The following CBFB variants were observed in gnomAD, a reference collection of about 807,000 sequenced individuals.
CBFB encodes core-binding factor subunit beta, also known as CBF-beta.
In CBFB, 9 loss-of-function variants were observed where a neutral mutation model predicts 30.4. That is an observed-to-expected ratio of 0.30 (90% CI 0.18 to 0.52). The LOEUF (loss-of-function observed/expected upper bound fraction) is 0.52, where lower values mean the gene tolerates loss of function less well. Among genes scored for constraint, CBFB ranks in the 20% least tolerant of loss-of-function variants. The probability of loss-of-function intolerance (pLI) is 0.97; values close to 1 mark genes in which losing one functional copy is unlikely to be tolerated. For missense variants in CBFB, 170 were observed against 244.0 expected (o/e 0.70, Z 2.02); for synonymous variants, 94 against 84.0 (o/e 1.12, Z -0.65).
intron 5 of CBFB, among the ~76,000 whole-genome samples, chr16:67,087,607 A>G (rs1021927024): frequency 6.6e-6 from 1 of 152,216 alleles, no homozygotes; most frequent in Non-Finnish European, 1.5e-5. Context: ...TTTCTAATTT[A>G]AAATGTTGGA....
intron 3 of CBFB, among the ~76,000 whole-genome samples, 159 bp from the exon 4 acceptor site, chr16:67,066,523 G>T (rs1210875945): frequency 6.6e-6 from 1 of 152,074 alleles, no homozygotes; most frequent in Non-Finnish European, 1.5e-5. Flanking sequence ...TTGTGCCACT[G>T]CATTCCAGCC....
At chr16:67,030,168 T>G in intron 2 of CBFB, 1 of 212,312 alleles carries the variant, frequency 4.7e-6, no homozygotes, top group South Asian at 1.3e-4. Flanking sequence ...GAAGTGGAGC[T>G]TCATTCAAGG....
intron 3 of CBFB, among the ~76,000 whole-genome samples, chr16:67,047,801 G>GCTCGTGC (rs1966654775): frequency 6.6e-6 from 1 of 152,076 alleles, no homozygotes; most frequent in Admixed American, 6.6e-5. Flanking sequence ...AGGTGCCGTG[G>GCTCGTGC]CTCGTGCCTT....
chr16:67,076,505 A>G (rs1053393687), intron 4 of CBFB, among the ~76,000 whole-genome samples: 4 of 152,218 alleles, frequency 2.6e-5, no homozygotes, highest in African/African-American at 4.8e-5. Flanking sequence ...ATAGAAAGTA[A>G]AAAAGAGGCA....
intron 2 of CBFB, among the ~76,000 whole-genome samples, chr16:67,034,385 G>A (rs2145709933): frequency 6.6e-6 from 1 of 152,226 alleles, no homozygotes; most frequent in African/African-American, 2.4e-5. Flanking sequence ...TACTAGTGTA[G>A]CATTTTAATG....
At chr16:67,084,710 T>C (rs543456090) in intron 5 of CBFB, among the ~76,000 whole-genome samples, 3 of 152,330 alleles carry the variant, frequency 2.0e-5, no homozygotes, top group African/African-American at 4.8e-5. Context: ...GTGGTTTTTT[T>C]CCAAGCACAA....
intron 4 of CBFB, among the ~76,000 whole-genome samples, chr16:67,078,823 G>A (rs2145766454): frequency 6.6e-6 from 1 of 151,920 alleles, no homozygotes; most frequent in East Asian, 1.9e-4. Flanking sequence ...CTAATTTTTT[G>A]TATTTGTTTT....
intron 2 of CBFB, among the ~76,000 whole-genome samples, chr16:67,033,505 G>C (rs1966388483): frequency 6.6e-6 from 1 of 151,608 alleles, no homozygotes; most frequent in Admixed American, 6.6e-5. Context: ...ATTTTTAGTA[G>C]AGATGGGTTT....
chr16:67,062,907 T>A (rs1026365119), intron 3 of CBFB, among the ~76,000 whole-genome samples: 5 of 152,168 alleles, frequency 3.3e-5, no homozygotes, highest in Non-Finnish European at 5.9e-5. Flanking sequence ...TGGTGTAAAG[T>A]TGACTTTGCT....
intron 5 of CBFB, among the ~76,000 whole-genome samples, chr16:67,088,287 T>C (rs1338598083): frequency 6.6e-6 from 1 of 152,208 alleles, no homozygotes; most frequent in African/African-American, 2.4e-5. Flanking sequence ...CCTTATTTTC[T>C]TGCAGTTTAC....
In CBFB at chr16:67,042,254, T is replaced by G. The variant is rs982513430; in HGVS notation, c.282+5499T>G. On this transcript the variant is annotated intron_variant, in intron 3 of 5. Coordinates refer to ENST00000412916, the MANE Select transcript of CBFB (RefSeq NM_022845.3). ...AAAAAATCATTTGTTTCTAAGTGTT[T>G]CATTATTTTTTCTGCCTCTGTCTCT... Among the ~76,000 whole-genome samples the G allele has an allele frequency of 1.9e-4, 29 of 151,932 alleles. 2 individuals carry two copies. Among genetic ancestry groups the G allele is most frequent in the Non-Finnish European group, 1.5e-5 (1 of 67,998 alleles).
intron 2 of CBFB, among the ~76,000 whole-genome samples, chr16:67,034,047 G>A (rs1338397465): frequency 1.3e-5 from 2 of 151,894 alleles, no homozygotes; most frequent in Non-Finnish European, 2.9e-5. Flanking sequence ...CCAGACTGGT[G>A]TTAAACTTCT....
chr16:67,090,216 G>C (rs1176958600), intron 5 of CBFB, among the ~76,000 whole-genome samples: 3 of 152,142 alleles, frequency 2.0e-5, no homozygotes, highest in Non-Finnish European at 4.4e-5. Flanking sequence ...GTGCTAGTTA[G>C]GTGGGTGTGT....
intron 4 of CBFB, among the ~76,000 whole-genome samples, chr16:67,077,834 A>G (rs74934297): frequency 0.02 from 3,064 of 152,298 alleles, 99 homozygotes; most frequent in African/African-American, 0.069. Context: ...AGAGTGGTCG[A>G]ATATTCTGTG....
chr16:67,033,336 A>G (rs1966384793), intron 2 of CBFB, among the ~76,000 whole-genome samples: 1 of 152,164 alleles, frequency 6.6e-6, no homozygotes, highest in African/African-American at 2.4e-5. Flanking sequence ...AATCTGTAGT[A>G]GAATCTGATT....
chr16:67,050,211 T>A (rs937064970), intron 3 of CBFB, among the ~76,000 whole-genome samples: 2 of 147,838 alleles, frequency 1.4e-5, no homozygotes, highest in Non-Finnish European at 3.0e-5. Flanking sequence ...GTTATATATA[T>A]AATTTATATA....
chr16:67,084,189 AG>A (rs1323047527), intron 5 of CBFB, among the ~76,000 whole-genome samples: 7 of 148,150 alleles, frequency 4.7e-5, no homozygotes, highest in Admixed American at 3.3e-4. Flanking sequence ...AAAAAAAAAA[AG>A]TATATTCTAG....
At chr16:67,062,459 C>T (rs1298711759) in intron 3 of CBFB, among the ~76,000 whole-genome samples, 2 of 151,060 alleles carry the variant, frequency 1.3e-5, no homozygotes, top group African/African-American at 2.4e-5. Flanking sequence ...TGTGAGCCAC[C>T]GTGCCCAGCC....
At chr16:67,073,954 A>G in intron 4 of CBFB, among the ~76,000 whole-genome samples, 1 of 151,970 alleles carries the variant, frequency 6.6e-6, no homozygotes. Flanking sequence ...GCATGAACCC[A>G]GGAGGCGGAG....
Sources: allele counts gnomAD v4.1 joint callset (sites outside exome capture counted in the v4.1 genomes callset), GRCh38; gene constraint gnomAD v4.1.1; transcripts MANE v1.5; gene names NCBI Gene and HGNC (gene_info 2026-07-23, HGNC 2026-07-21).